EPRS1: variants seen among roughly 807,000 people sequenced by gnomAD.
The protein encoded by EPRS1 is bifunctional glutamate/proline--tRNA ligase.
Under a neutral mutation model 188.3 loss-of-function variants are expected in EPRS1, and 107 were observed. The ratio of observed to expected loss-of-function variants is 0.57; its 90% CI spans 0.49 to 0.67. EPRS1 has a LOEUF of 0.67. EPRS1 is among the 30% of genes least tolerant of loss of function. The probability of loss-of-function intolerance (pLI) is 0.00; values close to 1 mark genes in which losing one functional copy is unlikely to be tolerated. For synonymous variants in EPRS1, 596 were observed against 593.1 expected, an observed-to-expected ratio of 1.00 and a Z score of -0.07; for missense variants, 1,577 against 1,802.2, an observed-to-expected ratio of 0.88 and a Z score of 2.26.
In EPRS1 at chr1:219,996,971, T is replaced by C; in HGVS notation, c.2541+12A>G. 6.4e-7 allele frequency: 1 copy of C among 1,564,060 alleles called. No homozygotes were observed. The highest frequency in any genetic ancestry group is 8.6e-7 in the Non-Finnish European group (1 of 1,161,068). On this transcript the variant is annotated intron_variant, in intron 18 of 31. Transcript: ENST00000366923. ...CTGAAAATGTGGTCTTGACTTTCTCTAACATACTGACCTTAGGGGATTTTT... is the reference window on the plus strand; with the variant it reads ...CTGAAAATGTGGTCTTGACTTTCTCCAACATACTGACCTTAGGGGATTTTT...
At chr1:220,019,868 T>C (rs1171101593) in intron 10 of EPRS1, 120 bp downstream of exon 10, 1 of 654,582 alleles carries the variant, frequency 1.5e-6, no homozygotes, top group African/African-American at 1.8e-5. Flanking sequence ...GAATCAGGAA[T>C]TCTATAGGCC....
At chr1:220,001,101 C>G in intron 17 of EPRS1, 37 bp downstream of exon 17, 1 of 1,108,052 alleles carries the variant, frequency 9.0e-7, no homozygotes, top group Non-Finnish European at 1.4e-6. Context: ...ATAGAAAGAC[C>G]ATTTATTTTT....
intron 6 of EPRS1, among the ~76,000 whole-genome samples, chr1:220,028,324 A>G (rs1662022992): frequency 6.6e-6 from 1 of 152,244 alleles, no homozygotes; most frequent in Non-Finnish European, 1.5e-5. Context: ...TCAAAACATT[A>G]TTTCAAAAAT....
intron 25 of EPRS1, among the ~76,000 whole-genome samples, 180 bp from the exon 26 acceptor site, chr1:219,980,420 C>A (rs1026136517): frequency 5.3e-5 from 8 of 151,958 alleles, no homozygotes; most frequent in Non-Finnish European, 8.8e-5. Context: ...TTCAATGAAG[C>A]AATGTAAAAA....
intron 20 of EPRS1, among the ~76,000 whole-genome samples, chr1:219,986,629 T>C (rs1169901960): frequency 6.6e-6 from 1 of 152,172 alleles, no homozygotes; most frequent in Non-Finnish European, 1.5e-5. Context: ...GTCAGTTTTG[T>C]CTTATATTTA....
rs1464936129 is a variant in EPRS1, at chr1:219,994,637, CTTCTTTTTTTTTT to C, written c.2541+2333_2541+2345del. On this transcript the variant is annotated intron_variant, in intron 18 of 31. Transcript: ENST00000366923. Reference sequence around the variant, plus strand: ...GATCAGAAATATGCCGTGGTAACTTCTTCTTTTTTTTTTTTTTTTTTTTTTTTTTTTTTGAGAT... The same window carrying C: ...GATCAGAAATATGCCGTGGTAACTTCTTTTTTTTTTTTTTTTTTTTGAGAT... Among the ~76,000 whole-genome samples, 677 of 121,064 alleles carry C rather than the reference CTTCTTTTTTTTTT, an allele frequency of 5.6e-3. 5 individuals are homozygous for C. The highest frequency in any genetic ancestry group is 0.021 in the African/African-American group (656 of 31,244). The allele number at this position is 121,064 out of a possible 152,430, so 79.4% of individuals were successfully genotyped here.
chr1:220,023,234 C>A (rs1661910927), intron 8 of EPRS1, among the ~76,000 whole-genome samples: 1 of 152,150 alleles, frequency 6.6e-6, no homozygotes, highest in African/African-American at 2.4e-5. Context: ...TGTATGCATA[C>A]AAACTGTTAA....
Position 220,020,220 on chromosome 1 carries a change from CACTAGAAA to C in EPRS1, c.1116-7_1116del. ...CAGGCAAAATCATATGTTGGATAAA[CACTAGAAA>C]AAAAGAAAATAAAATAAACAAAACA... is the stretch of plus-strand genomic sequence containing the variant. On this transcript the variant is annotated splice_acceptor_variant and splice_polypyrimidine_tract_variant and coding_sequence_variant and intron_variant, in exon 10 of 32. Coordinates refer to ENST00000366923, the MANE Select transcript of EPRS1 (RefSeq NM_004446.3). LOFTEE classifies it high-confidence loss of function. 1 of 1,590,352 alleles carries C rather than the reference CACTAGAAA, an allele frequency of 6.3e-7. No individual in the cohort carries two copies. Among genetic ancestry groups the C allele is most frequent in the Non-Finnish European group, 8.6e-7 (1 of 1,164,240 alleles).
At chr1:219,987,834 T>A (rs1661034874) in intron 19 of EPRS1, among the ~76,000 whole-genome samples, 2 of 152,154 alleles carry the variant, frequency 1.3e-5, no homozygotes, top group Non-Finnish European at 2.9e-5. Flanking sequence ...TAAATAAAAT[T>A]AAAAATTCAC....
chr1:219,995,933 A>T (rs1002236914), intron 18 of EPRS1, among the ~76,000 whole-genome samples: 2 of 152,186 alleles, frequency 1.3e-5, no homozygotes, highest in African/African-American at 4.8e-5. Flanking sequence ...TTCCCGCCAC[A>T]CAAGTCAAGC....
chr1:220,024,436 T>C lies in EPRS1; in HGVS notation c.771A>G (p.Ala257=). 1.9e-6 allele frequency: 3 copies of C among 1,599,702 alleles called. No individual in the cohort carries two copies. Among genetic ancestry groups the C allele is most frequent in the Non-Finnish European group, 2.6e-6 (3 of 1,175,846 alleles). ...DFEKVILEDV[A]MLHIKPDQFT... The stretch of plus-strand genomic sequence containing the variant: ...ATTGATCTGGTTTGATATGCAACAT[T>C]GCAACATCTTCCAAGATAACCTGTA... Residue 257 remains alanine (A), a synonymous_variant, in exon 8 of 32, where the codon GCA becomes GCG. Coordinates refer to ENST00000366923, the MANE Select transcript of EPRS1 (RefSeq NM_004446.3).
intron 2 of EPRS1, among the ~76,000 whole-genome samples, chr1:220,035,420 G>A (rs1662159372): frequency 6.6e-6 from 1 of 152,166 alleles, no homozygotes; most frequent in African/African-American, 2.4e-5. Context: ...CCAAAGTGCT[G>A]GGATTAGAGG....
At chr1:220,043,206 T>C (rs1285102245) in intron 1 of EPRS1, among the ~76,000 whole-genome samples, 1 of 152,096 alleles carries the variant, frequency 6.6e-6, no homozygotes, top group South Asian at 2.1e-4. Flanking sequence ...GTGGTGTAGA[T>C]TACACACTTG....
chr1:219,978,564 G>C lies in EPRS1; in HGVS notation c.4065C>G (p.Phe1355Leu). The change falls in exon 28 of 32, where the codon TTC becomes TTG. Residue 1355 changes from phenylalanine (F) to leucine (L), a missense_variant. Phe to Leu is a conservative substitution (Grantham distance 22). Around this residue, in one of 3 missense-constraint regions of EPRS1, gnomAD observed 296 missense variants for 327.9 expected, o/e 0.90. Transcript: ENST00000366923. ...AATTTACCTTGAGCTCCCAGTGATT[G>C]AATTTCCAACCTGGAGAATAATTAT... ...LRDNYSPGWK[F>L]NHWELKGVPI... The C allele has an allele frequency of 6.3e-7, 1 of 1,576,998 alleles. No individual in the cohort carries two copies. Among genetic ancestry groups the C allele is most frequent in the Non-Finnish European group, 8.6e-7 (1 of 1,158,194 alleles).
At chr1:220,026,679 T>C (rs2789815) in intron 6 of EPRS1, among the ~76,000 whole-genome samples, 121,523 of 151,524 alleles carry the variant, frequency 0.8, 48,896 homozygotes, top group East Asian at 0.93. Context: ...TACAGGTGCC[T>C]GCCACCATGC....
intron 12 of EPRS1, among the ~76,000 whole-genome samples, chr1:220,012,957 T>TGG (rs1558055230): frequency 6.6e-6 from 1 of 152,102 alleles, no homozygotes; most frequent in African/African-American, 2.4e-5. Flanking sequence ...ATTTGTGGAG[T>TGG]GGGGAGAGAA....
At chr1:219,991,136 A>G (rs1661113323) in intron 18 of EPRS1, among the ~76,000 whole-genome samples, 1 of 151,734 alleles carries the variant, frequency 6.6e-6, no homozygotes, top group African/African-American at 2.4e-5. Context: ...TTTTTATTAC[A>G]TTCTGATTAC....
Position 220,046,341 on chromosome 1 carries a change from A to C in EPRS1, c.46+2T>G. On this transcript the variant is annotated splice_donor_variant, in intron 1 of 31. Transcript: ENST00000366923. LOFTEE classifies it high-confidence loss of function. ...CACAGGTCATTGGTCTCGGCCCCTT[A>C]CCTAGCGGAGGGTCTCCTGAATTCA... 2 of 1,614,016 alleles carry C rather than the reference A, an allele frequency of 1.2e-6. No individual in the cohort carries two copies. The highest frequency in any genetic ancestry group is 1.7e-6 in the Non-Finnish European group (2 of 1,179,996).
chr1:220,039,215 G>A (rs1373506089), intron 2 of EPRS1, among the ~76,000 whole-genome samples: 1 of 152,134 alleles, frequency 6.6e-6, no homozygotes, highest in Non-Finnish European at 1.5e-5. Context: ...GTTAAAAGCT[G>A]AGTTGGTGGT....
Sources: allele counts gnomAD v4.1 joint callset (sites outside exome capture counted in the v4.1 genomes callset), GRCh38; gene constraint gnomAD v4.1.1; regional missense constraint gnomAD v4.1.1; transcripts MANE v1.5; gene names NCBI Gene and HGNC (gene_info 2026-07-23, HGNC 2026-07-21).